B3GNT2: variants seen among roughly 807,000 people sequenced by gnomAD.
B3GNT2 encodes UDP-GlcNAc:betaGal beta-1,3-N-acetylglucosaminyltransferase 2, also known as N-acetyllactosaminide beta-1,3-N-acetylglucosaminyltransferase 2.
In B3GNT2, 12 loss-of-function variants were observed where a neutral mutation model predicts 27.6. That is an observed-to-expected ratio of 0.44 (90% confidence interval 0.28 to 0.71). The LOEUF (loss-of-function observed/expected upper bound fraction) is 0.71, where lower values mean the gene tolerates loss of function less well. Ranked by LOEUF, B3GNT2 falls within the 30% of genes least tolerant of loss-of-function variation. The pLI, the probability that B3GNT2 is intolerant of heterozygous loss-of-function variation, is 0.17. For missense variants in B3GNT2, 413 were observed against 488.5 expected, an observed-to-expected ratio of 0.85 and a Z score of 1.46; for synonymous variants, 192 against 189.7, an observed-to-expected ratio of 1.01 and a Z score of -0.10.
intron 1 of B3GNT2, among the ~76,000 whole-genome samples, chr2:62,198,805 TA>T (rs774517579): frequency 9.2e-5 from 14 of 152,168 alleles, no homozygotes; most frequent in South Asian, 4.2e-4. Context: ...TGGTTTTTTT[TA>T]AAAAAAATAG....
At chr2:62,204,972 A>C (rs1573259708) in intron 1 of B3GNT2, among the ~76,000 whole-genome samples, 1 of 152,222 alleles carries the variant, frequency 6.6e-6, no homozygotes, top group South Asian at 2.1e-4. Flanking sequence ...GGGAGAGAGA[A>C]GAAGGTCACA....
rs531705004 is a variant in B3GNT2 at position 62,221,374 on chromosome 2, C to G, written c.-9-838C>G. 5.8e-4 allele frequency among the ~76,000 whole-genome samples: 88 copies of G among 152,312 alleles called. 1 individual carries two copies. Among genetic ancestry groups the G allele is most frequent in the Non-Finnish European group, 1.1e-3 (78 of 68,028 alleles). On this transcript the variant is annotated intron_variant, in intron 1 of 1. Transcript: ENST00000301998. Reference sequence around the variant, plus strand: ...GCTGTCCTGAGTCTGCTTTCATTTTCTCTGTCTGAGATGCTCTGTGGTTCC... The same window carrying G: ...GCTGTCCTGAGTCTGCTTTCATTTTGTCTGTCTGAGATGCTCTGTGGTTCC...
In B3GNT2 at chr2:62,223,606, T is replaced by TA. The variant is rs1674767279; in HGVS notation, c.*193dup. On this transcript the variant is annotated 3_prime_UTR_variant, in exon 2 of 2. Coordinates refer to ENST00000301998, the MANE Select transcript of B3GNT2 (RefSeq NM_006577.6). ...AAAGCGGAAGATGGTAATTTTTTTT[T>TA]ATGGATGATATGGCAGGATGATTGG... 1.8e-6 allele frequency: 1 copy of TA among 560,194 alleles called. No homozygotes were observed. 34.7% of individuals were successfully genotyped at this position (560,194 alleles called of 1,614,324 possible). A position where few individuals can be genotyped will look rare whatever the true frequency, so the allele number is the denominator to read the frequency against.
chr2:62,197,164 A>T (rs1674165966), intron 1 of B3GNT2, among the ~76,000 whole-genome samples: 1 of 151,104 alleles, frequency 6.6e-6, no homozygotes, highest in Admixed American at 6.6e-5. Flanking sequence ...TCTACGAGAC[A>T]CCCCTCGTGG....
chr2:62,202,034 G>A lies in B3GNT2; in HGVS notation c.-10+5679G>A, dbSNP rs1317844733. On this transcript the variant is annotated intron_variant, in intron 1 of 1. Transcript: ENST00000301998. ...GTCTCCAGATTACAGTAGCCAACAC[G>A]GAAAACCTGCCCTGGAATACTTCTC... is the stretch of plus-strand genomic sequence containing the variant. Among the ~76,000 whole-genome samples, 3 of 152,174 alleles carry A rather than the reference G, an allele frequency of 2.0e-5. No homozygotes were observed. In the East Asian group the frequency reaches 5.8e-4, roughly 29 times the overall value.
intron 1 of B3GNT2, chr2:62,221,956 A>G: frequency 1.8e-6 from 1 of 553,986 alleles, no homozygotes; most frequent in South Asian, 1.7e-5. Context: ...AGCTTTCCAT[A>G]TAACATCATA....
At chr2:62,219,620 A>C (rs1674644691) in intron 1 of B3GNT2, among the ~76,000 whole-genome samples, 1 of 152,038 alleles carries the variant, frequency 6.6e-6, no homozygotes, top group Non-Finnish European at 1.5e-5. Flanking sequence ...TTTCACCATC[A>C]CACATTTCCT....
chr2:62,210,626 T>A (rs982900162), intron 1 of B3GNT2, among the ~76,000 whole-genome samples: 1 of 151,780 alleles, frequency 6.6e-6, no homozygotes, highest in African/African-American at 2.4e-5. Flanking sequence ...AAAAATTAGC[T>A]GGGTGTGGTG....
In B3GNT2 at chr2:62,222,014, G is replaced by A. The variant is rs980303317; in HGVS notation, c.-9-198G>A. Among the ~76,000 whole-genome samples, 1 of 152,118 alleles carries A rather than the reference G, an allele frequency of 6.6e-6. No homozygotes were observed. Among genetic ancestry groups the A allele is most frequent in the Admixed American group, 6.5e-5 (1 of 15,274 alleles). The stretch of plus-strand genomic sequence containing the variant: ...TGGGCTTGATTCCCATTTTATATAT[G>A]GAGAAGTTGAGACAGGGACTATCCC... On this transcript the variant is annotated intron_variant, in intron 1 of 1. Transcript: ENST00000301998. The surrounding 1 kb of genome is among the most constrained non-coding windows in gnomAD (Gnocchi z 4.2).
chr2:62,222,481 C>T lies in B3GNT2; in HGVS notation c.261C>T (p.Leu87=). ...ACCAGACGGGGGAGGCGGGCAGGCT[C>T]TCCAATATAAGCCATCTGAACTACT... The part of the protein sequence containing the change: ...LTNQTGEAGR[L]SNISHLNYCE... Residue 87 remains leucine, a synonymous_variant, in exon 2 of 2, where the codon CTC becomes CTT. Coordinates refer to ENST00000301998, the MANE Select transcript of B3GNT2 (RefSeq NM_006577.6). The surrounding 1 kb of genome is among the most constrained non-coding windows in gnomAD (Gnocchi z 4.2). 1.9e-6 allele frequency: 3 copies of T among 1,614,144 alleles called. No homozygotes were observed. The highest frequency in any genetic ancestry group is 2.5e-6 in the Non-Finnish European group (3 of 1,180,036).
chr2:62,214,538 G>A (rs1351026924), intron 1 of B3GNT2, among the ~76,000 whole-genome samples: 2 of 152,174 alleles, frequency 1.3e-5, no homozygotes, highest in African/African-American at 4.8e-5. Context: ...TTAGTTTGTT[G>A]ACCCATGAAC....
At position 62,209,752 on chromosome 2, in the gene B3GNT2, C is replaced by T. The variant is rs574208525; in HGVS notation, c.-9-12460C>T. Among the ~76,000 whole-genome samples the T allele has an allele frequency of 3.9e-5, 6 of 152,288 alleles. No homozygotes were observed. In the East Asian group the frequency reaches 1.2e-3, roughly 29 times the overall value. On this transcript the variant is annotated intron_variant, in intron 1 of 1. Transcript: ENST00000301998. ...ACCAGCCCTGTGCCACTGTCCCAACCCTGTGGCAGGTTGTAAAGTTGTGCT... is the reference window on the plus strand; with the variant it reads ...ACCAGCCCTGTGCCACTGTCCCAACTCTGTGGCAGGTTGTAAAGTTGTGCT...
chr2:62,209,014 A>C (rs1011916337), intron 1 of B3GNT2, among the ~76,000 whole-genome samples: 3 of 152,174 alleles, frequency 2.0e-5, no homozygotes, highest in Admixed American at 6.5e-5. Context: ...TTGTTGTTGC[A>C]GTCTCACTCT....
chr2:62,207,533 T>C (rs1335503272), intron 1 of B3GNT2, among the ~76,000 whole-genome samples: 6 of 152,150 alleles, frequency 3.9e-5, no homozygotes, highest in South Asian at 2.1e-4. Flanking sequence ...TTTTTAGCAC[T>C]GGGGACTGGT....
At chr2:62,221,314 T>A (rs776675933) in intron 1 of B3GNT2, among the ~76,000 whole-genome samples, 1 of 152,250 alleles carries the variant, frequency 6.6e-6, no homozygotes, top group Admixed American at 6.5e-5. Context: ...TCTGTTGATA[T>A]TGGGCTGTTG....
chr2:62,204,796 G>A (rs1343841017), intron 1 of B3GNT2, among the ~76,000 whole-genome samples: 1 of 152,124 alleles, frequency 6.6e-6, no homozygotes, highest in African/African-American at 2.4e-5. Flanking sequence ...AAGTTCTGAT[G>A]GATCGTCTTT....
Position 62,202,033 on chromosome 2 carries a change from C to T in B3GNT2, c.-10+5678C>T, listed in dbSNP as rs574878965. 3.9e-5 allele frequency among the ~76,000 whole-genome samples: 6 copies of T among 152,324 alleles called. No individual in the cohort carries two copies. In the South Asian group the frequency reaches 8.3e-4, roughly 21 times the overall value. ...GGTCTCCAGATTACAGTAGCCAACA[C>T]GGAAAACCTGCCCTGGAATACTTCT... On this transcript the variant is annotated intron_variant, in intron 1 of 1. Transcript: ENST00000301998.
chr2:62,206,252 T>TG (rs1463982056), intron 1 of B3GNT2, among the ~76,000 whole-genome samples: 1 of 152,106 alleles, frequency 6.6e-6, no homozygotes, highest in Non-Finnish European at 1.5e-5. Context: ...AGCTCTGGGC[T>TG]GGGGGCGGCC....
At chr2:62,219,193 CT>C (rs1674633932) in intron 1 of B3GNT2, among the ~76,000 whole-genome samples, 1 of 152,214 alleles carries the variant, frequency 6.6e-6, no homozygotes, top group Non-Finnish European at 1.5e-5. Flanking sequence ...ATGTAAAGTA[CT>C]GTGCTTCCCT....
Sources: gnomAD v4.1 joint callset for allele counts (sites outside exome capture counted in the v4.1 genomes callset) on GRCh38, gnomAD v4.1.1 for gene constraint, Gnocchi (gnomAD v3.1) non-coding constraint, MANE v1.5 for transcripts, NCBI Gene and HGNC (gene_info 2026-07-23, HGNC 2026-07-21) for gene names.